HMGN3: variants seen among roughly 807,000 people sequenced by gnomAD.
HMGN3 encodes high mobility group nucleosome-binding domain-containing protein 3.
A neutral mutation model predicts 18.8 loss-of-function variants in HMGN3; 6 were observed. The observed-to-expected ratio is 0.32, with a 90% CI of 0.18 to 0.63. HMGN3 has a LOEUF of 0.63. Ranked by LOEUF, HMGN3 falls within the 30% of genes least tolerant of loss-of-function variation. HMGN3 has a pLI of 0.79. For synonymous variants in HMGN3, 40 were observed against 36.5 expected (o/e 1.10, Z -0.35); for missense variants, 107 against 114.2 (o/e 0.94, Z 0.29).
intron 2 of HMGN3, 39 bp from the exon 3 acceptor site, chr6:79,208,615 A>C: frequency 6.6e-7 from 1 of 1,509,914 alleles, no homozygotes; most frequent in Non-Finnish European, 9.2e-7. Flanking sequence ...TTTTTTGGTG[A>C]TTATATAAAA....
chr6:79,225,434 A>AT (rs1777520198), intron 1 of HMGN3, among the ~76,000 whole-genome samples: 1 of 152,178 alleles, frequency 6.6e-6, no homozygotes, highest in Non-Finnish European at 1.5e-5. Flanking sequence ...GGTCCAGTGG[A>AT]TTTTCCTAGC....
intron 1 of HMGN3, among the ~76,000 whole-genome samples, chr6:79,225,126 A>G (rs1777506040): frequency 6.6e-6 from 1 of 152,204 alleles, no homozygotes; most frequent in Non-Finnish European, 1.5e-5. Flanking sequence ...TCCCATATAC[A>G]TCATGCCTTA....
At chr6:79,201,658 A>G (rs1776142079) in exon 6 of HMGN3, 1 of 1,455,050 alleles carries the variant, frequency 6.9e-7, no homozygotes, top group African/African-American at 1.4e-5. Context: ...CAAGAGATAC[A>G]TAAAATCAAC....
At chr6:79,214,314 G>A (rs1776851843) in intron 2 of HMGN3, among the ~76,000 whole-genome samples, 1 of 150,670 alleles carries the variant, frequency 6.6e-6, no homozygotes, top group Non-Finnish European at 1.5e-5. Context: ...CCATTCTCCT[G>A]CCTCAGCCTC....
intron 1 of HMGN3, 78 bp downstream of exon 1, chr6:79,234,460 CGCGTTCTG>C: frequency 7.5e-7 from 1 of 1,330,064 alleles, no homozygotes; most frequent in East Asian, 2.3e-5. Flanking sequence ...TACTACCGCG[CGCGTTCTG>C]CGCGAGCCAT....
At chr6:79,211,011 C>CAAAAAAA (rs59749044) in intron 2 of HMGN3, among the ~76,000 whole-genome samples, 1 of 89,712 alleles carries the variant, frequency 1.1e-5, no homozygotes, top group Non-Finnish European at 2.1e-5. Flanking sequence ...GAAATTAATG[C>CAAAAAAA]AAAAAAAAAA....
At chr6:79,221,883 GGTACATGTAGTACCAATTCATTGGTACAT>G (rs1777304706) in intron 1 of HMGN3, among the ~76,000 whole-genome samples, 1 of 151,732 alleles carries the variant, frequency 6.6e-6, no homozygotes, top group Non-Finnish European at 1.5e-5. Context: ...AACCTTCATT[GGTACATGTAGTACCAATTCATTGGTACAT>G]GTATTGGTAC....
chr6:79,209,907 G>A (rs1776601823), intron 2 of HMGN3, among the ~76,000 whole-genome samples: 1 of 152,184 alleles, frequency 6.6e-6, no homozygotes, highest in Non-Finnish European at 1.5e-5. Context: ...GATCAGAGCT[G>A]GACTTAAGGC....
At chr6:79,208,635 T>G in intron 2 of HMGN3, 59 bp from the exon 3 acceptor site, 1 of 1,303,250 alleles carries the variant, frequency 7.7e-7, no homozygotes, top group South Asian at 1.2e-5. Context: ...ACGAAGTTGA[T>G]TTTTAAAAAT....
rs182438546 is a variant in HMGN3, at chr6:79,218,708, T to A, written c.16-3686A>T. 3.2e-3 allele frequency among the ~76,000 whole-genome samples: 486 copies of A among 152,322 alleles called. 6 individuals carry two copies. The highest frequency in any genetic ancestry group is 0.011 in the African/African-American group (455 of 41,570). On this transcript the variant is annotated intron_variant, in intron 1 of 5. Coordinates refer to ENST00000344726, the Ensembl canonical transcript of HMGN3. ...ATTTGACTGGGAAAGACAAAGTCAT[T>A]GGTAAGAGTTATATTTCTTAAGCTA...
intron 1 of HMGN3, among the ~76,000 whole-genome samples, chr6:79,227,427 G>A (rs1225258633): frequency 1.3e-5 from 2 of 152,118 alleles, no homozygotes; most frequent in Non-Finnish European, 2.9e-5. Flanking sequence ...CTCACTGCGT[G>A]CACCATTTAT....
At chr6:79,201,973 C>T in intron 5 of HMGN3, 90 bp downstream of exon 6, 3 of 1,465,446 alleles carry the variant, frequency 2.0e-6, no homozygotes, top group South Asian at 2.8e-5. Flanking sequence ...CAAGCTCCCA[C>T]TCTTCATAAT....
chr6:79,210,570 A>G (rs904345458), intron 2 of HMGN3, among the ~76,000 whole-genome samples: 13 of 152,118 alleles, frequency 8.5e-5, no homozygotes, highest in African/African-American at 2.2e-4. Context: ...GGGGCCCTCA[A>G]TAAGTGTTGA....
chr6:79,219,802 C>T (rs937760699), intron 1 of HMGN3, among the ~76,000 whole-genome samples: 1 of 152,092 alleles, frequency 6.6e-6, no homozygotes, highest in Non-Finnish European at 1.5e-5. Flanking sequence ...TCTTTAAAAT[C>T]TGGTGTTCGT....
chr6:79,234,528 T>G lies in HMGN3; in HGVS notation c.15+18A>C, dbSNP rs1426477789. The stretch of plus-strand genomic sequence containing the variant: ...CAGAATTTGAAGGCTTTTGAAATCT[T>G]TTTTTGGTAAGACTTACCTTTCTCT... On this transcript the variant is annotated intron_variant, in intron 1 of 5. Transcript: ENST00000344726. 1.9e-6 allele frequency: 3 copies of G among 1,610,778 alleles called. No homozygotes were observed. Among genetic ancestry groups the G allele is most frequent in the Non-Finnish European group, 2.5e-6 (3 of 1,177,636 alleles).
intron 1 of HMGN3, among the ~76,000 whole-genome samples, chr6:79,230,705 C>T (rs1178812389): frequency 6.6e-6 from 1 of 152,140 alleles, no homozygotes; most frequent in Non-Finnish European, 1.5e-5. Context: ...CTTTTTAAAA[C>T]AGCAAACCTT....
intron 1 of HMGN3, among the ~76,000 whole-genome samples, chr6:79,221,307 G>A (rs1248588009): frequency 1.3e-5 from 2 of 152,178 alleles, no homozygotes; most frequent in African/African-American, 4.8e-5. Flanking sequence ...GAAGGAGTGT[G>A]GGAGTCGAGA....
chr6:79,201,829 C>CTT, intron 5 of HMGN3, 103 bp from the exon 7 acceptor site: 6 of 1,348,952 alleles, frequency 4.4e-6, no homozygotes, highest in African/African-American at 1.5e-5. Flanking sequence ...CATTTGTTTT[C>CTT]TTTTTTTTTT....
At chr6:79,212,599 A>G (rs1776753550) in intron 2 of HMGN3, among the ~76,000 whole-genome samples, 1 of 152,222 alleles carries the variant, frequency 6.6e-6, no homozygotes, top group Non-Finnish European at 1.5e-5. Context: ...AGACAAAATA[A>G]TGGATGTAAA....
Sources: allele counts gnomAD v4.1 joint callset (sites outside exome capture counted in the v4.1 genomes callset), GRCh38; gene constraint gnomAD v4.1.1; transcripts MANE v1.5; gene names NCBI Gene and HGNC (gene_info 2026-07-23, HGNC 2026-07-21).